Variants in GSN observed in about 807,000 individuals in gnomAD.
GSN encodes the protein actin-depolymerizing factor.
GSN carries 56 observed loss-of-function variants against 85.7 expected under a neutral mutation model. The observed-to-expected ratio is 0.65, with a 90% CI of 0.53 to 0.82. The LOEUF (loss-of-function observed/expected upper bound fraction) is 0.82. Among genes scored for constraint, GSN ranks in the 40% least tolerant of loss-of-function variants. The pLI, the probability that GSN is intolerant of heterozygous loss-of-function variation, is 0.00. For synonymous variants in GSN, 373 were observed against 399.1 expected (o/e 0.93, Z 0.78); for missense variants, 857 against 979.8 (o/e 0.87, Z 1.67).
At chr9:121,232,433 C>G (rs2132158765) in intron 5 of GSN, among the ~76,000 whole-genome samples, 1 of 152,316 alleles carries the variant, frequency 6.6e-6, no homozygotes, top group South Asian at 2.1e-4. Context: ...ATCCCTTTTT[C>G]ACAGCCTCAG....
chr9:121,238,242 A>C (rs1434022525), intron 5 of GSN: 1 of 152,660 alleles, frequency 6.6e-6, no homozygotes, highest in Non-Finnish European at 1.5e-5. Context: ...GTTGTTGCCA[A>C]AGGATGTTAA....
Position 121,332,623 on chromosome 9 carries a change from A to T in GSN, c.*20A>T, listed in dbSNP as rs753134056. The T allele has an allele frequency of 3.1e-6, 5 of 1,604,620 alleles. No homozygotes were observed. The highest frequency in any genetic ancestry group is 4.3e-6 in the Non-Finnish European group (5 of 1,173,970). ...GCCTGAGGAGGGGCAGGGCCCACCCATGTCACCGGTCAGTGCCTTTTGGAA... is the reference window on the plus strand; with the variant it reads ...GCCTGAGGAGGGGCAGGGCCCACCCTTGTCACCGGTCAGTGCCTTTTGGAA... On this transcript the variant is annotated 3_prime_UTR_variant, in exon 18 of 18. Transcript: ENST00000432226. This position sits in a 1 kb window ranked among gnomAD's most constrained non-coding sequence, Gnocchi z 4.8.
rs143270901 is a variant in GSN, at chr9:121,310,045, AAG to A, written c.352-635_352-634del. ...AGGAAGGAAAGGAAAGAGAGAGGGA[AAG>A]AGAATGAAAGAAAGAAAAAAAGAAA... is the stretch of plus-strand genomic sequence containing the variant. On this transcript the variant is annotated intron_variant, in intron 4 of 17. Coordinates refer to ENST00000432226, the MANE Select transcript of GSN (RefSeq NM_198252.3). 5.3e-3 allele frequency: 811 copies of A among 154,112 alleles called. 6 individuals carry two copies. Among genetic ancestry groups the A allele is most frequent in the Non-Finnish European group, 9.8e-3 (682 of 69,394 alleles). 9.5% of individuals were successfully genotyped at this position (154,112 alleles called of 1,614,324 possible).
chr9:121,282,477 T>C, intron 2 of GSN: 1 of 1,262,282 alleles, frequency 7.9e-7, no homozygotes, highest in Non-Finnish European at 1.0e-6. Context: ...ACGCGTCTGC[T>C]GTGGCCCAGC....
chr9:121,224,151 C>CA (rs1400236380), intron 4 of GSN, among the ~76,000 whole-genome samples: 6 of 151,868 alleles, frequency 4.0e-5, no homozygotes, highest in African/African-American at 1.5e-4. Context: ...GGCTGGAGTG[C>CA]AGTGGTGCGA....
At chr9:121,239,716 G>A in intron 5 of GSN, 1 of 304,316 alleles carries the variant, frequency 3.3e-6, no homozygotes, top group Non-Finnish European at 6.5e-6. Context: ...CTGTCAATGG[G>A]TTTTTCCCGA....
Position 121,318,778 on chromosome 9 carries a change from C to G in GSN, c.1089C>G (p.Ile363Met), listed in dbSNP as rs747287341. The G allele has an allele frequency of 1.2e-6, 2 of 1,614,116 alleles. No homozygotes were observed. The highest frequency in any genetic ancestry group is 1.7e-5 in the Admixed American group (1 of 60,036). The change falls in exon 10 of 18, where the codon ATC becomes ATG. Residue 363 changes from isoleucine to methionine, a missense_variant. Transcript: ENST00000432226. The surrounding 1 kb of genome is among the most constrained non-coding windows in gnomAD (Gnocchi z 4.3). ...GLGLSYLSSH[I>M]ANVERVPFDA... The stretch of plus-strand genomic sequence containing the variant: ...GCTTGTCCTACCTTTCCAGCCATAT[C>G]GCCAACGTGGAGCGGGTGCCCTTCG...
At position 121,329,041 on chromosome 9, in the gene GSN, C is replaced by T. The variant is rs763215894; in HGVS notation, c.1887+26C>T. The T allele has an allele frequency of 3.7e-6, 6 of 1,612,406 alleles. No individual in the cohort carries two copies. The South Asian group carries it at 6.6e-5, about 18-fold the overall frequency. On this transcript the variant is annotated intron_variant, in intron 15 of 17. Coordinates refer to ENST00000432226, the MANE Select transcript of GSN (RefSeq NM_198252.3). The surrounding 1 kb of genome is among the most constrained non-coding windows in gnomAD (Gnocchi z 4.6). The stretch of plus-strand genomic sequence containing the variant: ...GTGAGCCCCTGCGGAGGTCACACCT[C>T]TGCTTTCCCCTCGGGAGGCGAGTTC...
intron 6 of GSN, among the ~76,000 whole-genome samples, chr9:121,260,552 T>C (rs983066776): frequency 6.6e-6 from 1 of 152,262 alleles, no homozygotes; most frequent in Non-Finnish European, 1.5e-5. Flanking sequence ...AGGAAACCTG[T>C]GCTGGGGCTA....
chr9:121,204,148 T>A (rs2053847328), upstream of GSN, among the ~76,000 whole-genome samples: 1 of 152,238 alleles, frequency 6.6e-6, no homozygotes, highest in Non-Finnish European at 1.5e-5. Context: ...CCAGCAACTG[T>A]CCTAAGAATC....
rs989967580 is a variant in GSN, at chr9:121,299,855, C to T, written c.-9-2108C>T. ...TGCCGACTGGGTCCCCTGCCGCTGTCGCCACCATGGCTCCGCACCGCCCCG... is the reference window on the plus strand; with the variant it reads ...TGCCGACTGGGTCCCCTGCCGCTGTTGCCACCATGGCTCCGCACCGCCCCG... On this transcript the variant is annotated intron_variant, in intron 2 of 17. Transcript: ENST00000432226. This position sits in a 1 kb window ranked among gnomAD's most constrained non-coding sequence, Gnocchi z 4.2. 3.0e-6 allele frequency: 4 copies of T among 1,354,824 alleles called. No individual in the cohort carries two copies. Among genetic ancestry groups the T allele is most frequent in the Non-Finnish European group, 3.8e-6 (4 of 1,044,722 alleles). The allele number at this position is 1,354,824 out of a possible 1,614,324, so 83.9% of individuals were successfully genotyped here. A position where few individuals can be genotyped will look rare whatever the true frequency, so the allele number is the denominator to read the frequency against.
At chr9:121,229,012 C>T (rs1048492180) in intron 4 of GSN, among the ~76,000 whole-genome samples, 1 of 152,138 alleles carries the variant, frequency 6.6e-6, no homozygotes, top group African/African-American at 2.4e-5. Context: ...GCCATTGTCA[C>T]GATCAATAAA....
chr9:121,292,126 G>A (rs934447556), intron 2 of GSN, among the ~76,000 whole-genome samples: 7 of 152,176 alleles, frequency 4.6e-5, no homozygotes, highest in Admixed American at 1.3e-4. Context: ...CAAACTACTG[G>A]GTTTAAGCTA....
Position 121,299,184 on chromosome 9 carries a change from A to C in GSN, c.-9-2779A>C, listed in dbSNP as rs1322096720. On this transcript the variant is annotated intron_variant, in intron 2 of 17. Coordinates refer to ENST00000432226, the MANE Select transcript of GSN (RefSeq NM_198252.3). This position sits in a 1 kb window ranked among gnomAD's most constrained non-coding sequence, Gnocchi z 4.2. Reference sequence around the variant, plus strand: ...TTTTAAAAAACAAACACTTTTTAAAAAGAAGGAAAGAAAAGTAGGAGGGGC... The same window carrying C: ...TTTTAAAAAACAAACACTTTTTAAACAGAAGGAAAGAAAAGTAGGAGGGGC... 3.1e-6 allele frequency: 1 copy of C among 322,998 alleles called. No individual in the cohort carries two copies. The highest frequency in any genetic ancestry group is 2.2e-5 in the African/African-American group (1 of 44,708). The allele number at this position is 322,998 out of a possible 1,614,324, so 20.0% of individuals were successfully genotyped here. A position where few individuals can be genotyped will look rare whatever the true frequency, so the allele number is the denominator to read the frequency against.
At position 121,318,783 on chromosome 9, in the gene GSN, A is replaced by G. The variant is rs2062020839; in HGVS notation, c.1094A>G (p.Asn365Ser). Reference protein sequence around the residue: ...GLSYLSSHIANVERVPFDAAT... With the variant: ...GLSYLSSHIASVERVPFDAAT... ...TCCTACCTTTCCAGCCATATCGCCAACGTGGAGCGGGTGCCCTTCGACGCC... is the reference window on the plus strand; with the variant it reads ...TCCTACCTTTCCAGCCATATCGCCAGCGTGGAGCGGGTGCCCTTCGACGCC... Residue 365 changes from asparagine to serine, a missense_variant, in exon 10 of 18, where the codon AAC becomes AGC. Transcript: ENST00000432226. This position sits in a 1 kb window ranked among gnomAD's most constrained non-coding sequence, Gnocchi z 4.3. The G allele has an allele frequency of 6.2e-7, 1 of 1,614,150 alleles. No homozygotes were observed. The highest frequency in any genetic ancestry group is 8.5e-7 in the Non-Finnish European group (1 of 1,180,008).
At chr9:121,322,033 A>T (rs2062533226) in intron 11 of GSN, among the ~76,000 whole-genome samples, 1 of 152,064 alleles carries the variant, frequency 6.6e-6, no homozygotes, top group Non-Finnish European at 1.5e-5. Context: ...GTGAGCCACC[A>T]CACCCAGCCC....
intron 1 of GSN, among the ~76,000 whole-genome samples, chr9:121,270,470 C>G (rs940469105): frequency 6.6e-6 from 1 of 152,166 alleles, no homozygotes; most frequent in Admixed American, 6.5e-5. Flanking sequence ...TGGGATGGGT[C>G]AGAGCAGCAG....
rs34623899 is a variant in GSN at position 121,250,872 on chromosome 9, GGTGTGTGTGTGTGTGT to G, written c.-341+2573_-341+2588del. Among the ~76,000 whole-genome samples the G allele has an allele frequency of 9.6e-5, 13 of 135,102 alleles. No individual in the cohort carries two copies. In the East Asian group the frequency reaches 2.3e-3, roughly 24 times the overall value. 88.6% of individuals were successfully genotyped at this position (135,102 alleles called of 152,430 possible). Reference sequence around the variant, plus strand: ...TTTTTTGCTTATCATGCCTGCTTGGGGTGTGTGTGTGTGTGTGTGTGTGTGTGTGTGTGTGTGTGCT... The same window carrying G: ...TTTTTTGCTTATCATGCCTGCTTGGGGTGTGTGTGTGTGTGTGTGTGTGCT... On this transcript the variant is annotated intron_variant, in intron 6 of 24. Coordinates refer to the GSN transcript ENST00000373823.
chr9:121,250,872 G>GGTGTGTGTGTGT (rs34623899), intron 6 of GSN, among the ~76,000 whole-genome samples: 1 of 135,018 alleles, frequency 7.4e-6, no homozygotes, highest in Non-Finnish European at 1.6e-5. Flanking sequence ...GCCTGCTTGG[G>GGTGTGTGTGTGT]GTGTGTGTGT....
Sources: gnomAD v4.1 joint callset for allele counts (sites outside exome capture counted in the v4.1 genomes callset) on GRCh38, gnomAD v4.1.1 for gene constraint, Gnocchi (gnomAD v3.1) non-coding constraint, MANE v1.5 for transcripts, NCBI Gene and HGNC (gene_info 2026-07-23, HGNC 2026-07-21) for gene names.